ATRX: variants seen among roughly 807,000 people sequenced by gnomAD.
ATRX encodes the protein ATRX chromatin remodeler.
ATRX carries 12 observed loss-of-function variants against 172.6 expected under a neutral mutation model. The observed-to-expected ratio is 0.07, with a 90% CI of 0.04 to 0.11. The LOEUF is 0.11. ATRX is among the 10% of genes least tolerant of loss of function. The probability of loss-of-function intolerance (pLI) is 1.00; values close to 1 mark genes in which losing one functional copy is unlikely to be tolerated. For missense variants in ATRX, 1,368 were observed against 1,767.4 expected, an observed-to-expected ratio of 0.77 and a Z score of 4.05; for synonymous variants, 674 against 594.7, an observed-to-expected ratio of 1.13 and a Z score of -1.94.
chrX:77,645,796 A>G (rs782128124), intron 15 of ATRX, among the ~76,000 whole-genome samples: 3 of 112,445 alleles, frequency 2.7e-5, no homozygotes, highest in Non-Finnish European at 5.6e-5. Context: ...TGTGATATCA[A>G]TAATTGTAAC....
At position 77,683,740 on chromosome X, in the gene ATRX, G is replaced by A. The variant is rs1449091873; in HGVS notation, c.1516C>T (p.Pro506Ser). 4 of 1,210,732 alleles carry A rather than the reference G, an allele frequency of 3.3e-6. No homozygotes were observed. The African/African-American group carries it at 6.9e-5, about 21-fold the overall frequency. ...TCTAAATCTTCAGAAGTGTTGGCAG[G>A]TTCATATTGAGGTTCTTCTTTTCTA... ...SDRKEEPQYE[P>S]ANTSEDLDMD... The change falls in exon 9 of 35, where the codon CCT (proline) becomes TCT (serine). Residue 506 changes from proline to serine, a missense_variant. Around this residue, in one of 17 missense-constraint regions of ATRX, gnomAD observed 843 missense variants for 643.1 expected, o/e 1.31. Coordinates refer to ENST00000373344, the MANE Select transcript of ATRX (RefSeq NM_000489.6).
intron 21 of ATRX, 30 bp downstream of exon 21, chrX:77,618,776 A>G (rs782008376): frequency 8.7e-7 from 1 of 1,152,782 alleles, no homozygotes; most frequent in Admixed American, 2.2e-5. Flanking sequence ...AAAAGTAAGA[A>G]TATTTTATTA....
chrX:77,574,380 A>G, intron 27 of ATRX, 22 bp from the exon 28 acceptor site: 4 of 1,106,102 alleles, frequency 3.6e-6, no homozygotes, highest in Non-Finnish European at 5.0e-6. Flanking sequence ...ACAAAAGAAC[A>G]CAAAAGGAAT....
intron 1 of ATRX, among the ~76,000 whole-genome samples, chrX:77,782,828 A>G (rs2076613490): frequency 8.9e-6 from 1 of 111,963 alleles, no homozygotes; most frequent in Admixed American, 9.5e-5. Flanking sequence ...TAGCTCCAGG[A>G]TGACAATTCT....
chrX:77,664,006 C>G (rs1557124526), intron 11 of ATRX, among the ~76,000 whole-genome samples: 1 of 107,901 alleles, frequency 9.3e-6, no homozygotes, highest in Non-Finnish European at 1.9e-5. Flanking sequence ...GAGGCTGAGG[C>G]AGGAGAATCG....
intron 26 of ATRX, among the ~76,000 whole-genome samples, chrX:77,592,771 C>A (rs183876450): frequency 8.7e-4 from 94 of 108,651 alleles, no homozygotes; most frequent in Admixed American, 5.4e-3. Context: ...GAGATCGCAC[C>A]ATTGCACTCC....
chrX:77,697,411 T>C (rs1041507348), intron 4 of ATRX, among the ~76,000 whole-genome samples, 172 bp downstream of exon 4: 9 of 112,337 alleles, frequency 8.0e-5, no homozygotes, highest in South Asian at 3.6e-4. Context: ...AATCAGGTGA[T>C]AGATACAAAG....
At chrX:77,735,175 C>T (rs1448625956) in intron 1 of ATRX, among the ~76,000 whole-genome samples, 1 of 112,282 alleles carries the variant, frequency 8.9e-6, no homozygotes, top group Non-Finnish European at 1.9e-5. Flanking sequence ...TGAAACTAGA[C>T]TCCAGGCCGG....
At chrX:77,574,494 A>G (rs2065538618) in intron 27 of ATRX, 136 bp from the exon 28 acceptor site, 1 of 456,926 alleles carries the variant, frequency 2.2e-6, no homozygotes, top group Admixed American at 3.5e-5. Context: ...TACATTATAT[A>G]CTTTTCTTAA....
At chrX:77,744,700 A>C (rs1404211215) in intron 1 of ATRX, among the ~76,000 whole-genome samples, 1 of 111,315 alleles carries the variant, frequency 9.0e-6, no homozygotes, top group Non-Finnish European at 1.9e-5. Context: ...CTTAAAAAAA[A>C]ATTCTGACCA....
At chrX:77,698,131 G>A (rs1441684619) in intron 3 of ATRX, among the ~76,000 whole-genome samples, 1 of 111,446 alleles carries the variant, frequency 9.0e-6, no homozygotes, top group Admixed American at 9.6e-5. Context: ...ATATTTTACT[G>A]GATTCAGTTT....
chrX:77,634,348 C>T (rs1199430530), intron 17 of ATRX: 1 of 281,807 alleles, frequency 3.5e-6, no homozygotes, highest in Non-Finnish European at 6.2e-6. Context: ...TCAAACATTA[C>T]CTCCTAAAAG....
chrX:77,637,982 TA>T (rs1214396185), intron 15 of ATRX, among the ~76,000 whole-genome samples: 2 of 106,453 alleles, frequency 1.9e-5, no homozygotes, highest in East Asian at 2.9e-4. Context: ...AAAAAAACTT[TA>T]AAAAAAAATT....
chrX:77,510,718 C>T (rs1212671964), intron 34 of ATRX, among the ~76,000 whole-genome samples: 4 of 111,872 alleles, frequency 3.6e-5, no homozygotes, highest in African/African-American at 6.5e-5. Flanking sequence ...TTGTGAAAAG[C>T]GGAGGGAAGG....
intron 5 of ATRX, among the ~76,000 whole-genome samples, chrX:77,694,668 T>C (rs782493970): frequency 9.0e-6 from 1 of 110,637 alleles, no homozygotes; most frequent in South Asian, 3.8e-4. Flanking sequence ...ATTTAAGTTT[T>C]CATTAGTTCT....
chrX:77,530,642 C>CAAAAA (rs1209607808), intron 30 of ATRX, among the ~76,000 whole-genome samples: 1 of 109,898 alleles, frequency 9.1e-6, no homozygotes, highest in Non-Finnish European at 1.9e-5. Context: ...ACAAACAAAA[C>CAAAAA]AAAACTAGAA....
chrX:77,766,048 T>C (rs1447905133), intron 1 of ATRX, among the ~76,000 whole-genome samples: 3 of 112,345 alleles, frequency 2.7e-5, no homozygotes, highest in African/African-American at 9.7e-5. Flanking sequence ...CAGAAGAATT[T>C]TTCTTAGTAC....
At chrX:77,517,206 T>C (rs1439030194) in intron 34 of ATRX, among the ~76,000 whole-genome samples, 1 of 108,259 alleles carries the variant, frequency 9.2e-6, no homozygotes, top group East Asian at 2.9e-4. Flanking sequence ...ATTAGTAAAA[T>C]AAATAATAAA....
chrX:77,660,522 G>A (rs868961651), intron 12 of ATRX, among the ~76,000 whole-genome samples: 72 of 109,381 alleles, frequency 6.6e-4, no homozygotes, highest in African/African-American at 2.1e-3. Flanking sequence ...AGCCGAGATC[G>A]CGCCACTGCA....
Sources: allele counts gnomAD v4.1 joint callset (sites outside exome capture counted in the v4.1 genomes callset), GRCh38; gene constraint gnomAD v4.1.1; regional missense constraint gnomAD v4.1.1; transcripts MANE v1.5; gene names NCBI Gene and HGNC (gene_info 2026-07-23, HGNC 2026-07-21).